Variants in SANBR observed in about 807,000 individuals in gnomAD.
SANBR encodes the protein SANT and BTB domain regulator of class switch recombination.
SANBR carries 77 observed loss-of-function variants against 101.8 expected under a neutral mutation model. The observed-to-expected ratio is 0.76, with a 90% CI of 0.63 to 0.91. SANBR has a LOEUF of 0.91. Ranked by LOEUF, SANBR falls within the 40% of genes least tolerant of loss-of-function variation. The pLI, the probability that SANBR is intolerant of heterozygous loss-of-function variation, is 0.00. For synonymous variants in SANBR, 279 were observed against 274.7 expected (o/e 1.02, Z -0.15); for missense variants, 875 against 853.0 (o/e 1.03, Z -0.32).
At chr2:61,083,527 G>T (rs1187958220) in intron 8 of SANBR, among the ~76,000 whole-genome samples, 4 of 149,300 alleles carry the variant, frequency 2.7e-5, no homozygotes, top group Non-Finnish European at 5.9e-5. Context: ...CTCCCAAGTA[G>T]CTGGGACTAC....
At position 61,103,892 on chromosome 2, in the gene SANBR, C is replaced by T. The variant is rs369264205; in HGVS notation, c.1405C>T (p.Gln469Ter). ...VRDHMVTLRDQGEGGDLPSCP... is the reference protein window; with the variant it reads ...VRDHMVTLRD ...GGACCACATGGTTACACTTCGTGATCAAGGTGAAGGCGGAGATTTGCCGTC... is the reference window on the plus strand; with the variant it reads ...GGACCACATGGTTACACTTCGTGATTAAGGTGAAGGCGGAGATTTGCCGTC... Residue 469 changes from glutamine to a stop codon, truncating the protein, a stop_gained, in exon 13 of 22, where the codon CAA becomes TAA. Coordinates refer to ENST00000402291, the MANE Select transcript of SANBR (RefSeq NM_001129993.3). LOFTEE classifies it high-confidence loss of function. The T allele has an allele frequency of 6.2e-7, 1 of 1,614,026 alleles. No individual in the cohort carries two copies. Among genetic ancestry groups the T allele is most frequent in the Non-Finnish European group, 8.5e-7 (1 of 1,180,010 alleles).
downstream of SANBR, among the ~76,000 whole-genome samples, chr2:61,128,271 CAAAA>C (rs1200152788): frequency 9.5e-6 from 1 of 104,958 alleles, no homozygotes. Flanking sequence ...GACTCTGTCT[CAAAA>C]AAAAAAAAAA....
intron 8 of SANBR, among the ~76,000 whole-genome samples, chr2:61,086,252 C>A (rs1305092755): frequency 6.6e-6 from 1 of 151,992 alleles, no homozygotes; most frequent in African/African-American, 2.4e-5. Context: ...CGGCCTCAAA[C>A]TCCTGGGCTC....
Position 61,103,948 on chromosome 2 carries a change from G to A in SANBR, c.1461G>A (p.Leu487=), listed in dbSNP as rs1434536955. Residue 487 remains leucine, a synonymous_variant, in exon 13 of 22, where the codon TTG becomes TTA. Transcript: ENST00000402291. ...SCPTARMLDD[L]HKYRDVIVVP... is the part of the protein sequence containing the mutation. The stretch of plus-strand genomic sequence containing the variant: ...CCACTGCTAGAATGTTGGACGATTT[G>A]CACAAGTACAGAGATGTCATTGTTG... 16 of 1,614,148 alleles carry A rather than the reference G, an allele frequency of 9.9e-6. No individual in the cohort carries two copies. Among genetic ancestry groups the A allele is most frequent in the Non-Finnish European group, 1.4e-5 (16 of 1,180,010 alleles).
chr2:61,131,590 T>G (rs1559158417), intron 20 of SANBR, among the ~76,000 whole-genome samples: 4 of 152,246 alleles, frequency 2.6e-5, no homozygotes, highest in Non-Finnish European at 1.5e-5. Flanking sequence ...CTTAATGTTA[T>G]TAAGATGGGA....
intron 3 of SANBR, among the ~76,000 whole-genome samples, chr2:61,071,253 T>TA (rs1681448797): frequency 1.3e-5 from 2 of 152,122 alleles, no homozygotes; most frequent in Admixed American, 6.6e-5. Flanking sequence ...ATTTTTTATT[T>TA]AAAAAATTCC....
chr2:61,084,867 A>G (rs1682339054), intron 8 of SANBR, among the ~76,000 whole-genome samples: 1 of 152,132 alleles, frequency 6.6e-6, no homozygotes, highest in South Asian at 2.1e-4. Flanking sequence ...AAAGAAGTAG[A>G]TGGACTCAGT....
intron 16 of SANBR, among the ~76,000 whole-genome samples, chr2:61,109,556 C>T (rs1683722118): frequency 6.6e-6 from 1 of 151,504 alleles, no homozygotes; most frequent in Non-Finnish European, 1.5e-5. Context: ...TGACTCATTT[C>T]AGATGAAATG....
At chr2:61,081,062 T>G (rs1471908034) in intron 6 of SANBR, among the ~76,000 whole-genome samples, 2 of 152,222 alleles carry the variant, frequency 1.3e-5, no homozygotes, top group African/African-American at 4.8e-5. Context: ...TAACAAGCAT[T>G]GAACTCTTTA....
intron 20 of SANBR, among the ~76,000 whole-genome samples, chr2:61,133,326 G>A (rs758578996): frequency 1.3e-5 from 2 of 152,202 alleles, no homozygotes; most frequent in African/African-American, 2.4e-5. Context: ...CATAATGGAT[G>A]TGTGGTTTTT....
At chr2:61,117,628 C>A in intron 19 of SANBR, 88 bp downstream of exon 19, 1 of 1,187,552 alleles carries the variant, frequency 8.4e-7, no homozygotes, top group Non-Finnish European at 1.2e-6. Flanking sequence ...TGCTGAATAG[C>A]TCTAGAGTTT....
At chr2:61,106,254 G>A (rs185792659) in intron 13 of SANBR, among the ~76,000 whole-genome samples, 37 of 152,032 alleles carry the variant, frequency 2.4e-4, no homozygotes, top group African/African-American at 8.4e-4. Context: ...AGCCAGGCAT[G>A]ATGGTGGGTG....
At chr2:61,118,346 A>G (rs1624236) in intron 20 of SANBR, among the ~76,000 whole-genome samples, 2 of 151,166 alleles carry the variant, frequency 1.3e-5, no homozygotes, top group Non-Finnish European at 3.0e-5. Context: ...GGTTCAAGCA[A>G]TTCTCCTCCC....
intron 8 of SANBR, among the ~76,000 whole-genome samples, chr2:61,086,376 T>G (rs1011172141): frequency 2.6e-5 from 4 of 151,824 alleles, no homozygotes; most frequent in African/African-American, 7.2e-5. Context: ...ATAAATAAAT[T>G]TATTTAATAA....
chr2:61,106,390 CAAAAAAAAAAAAA>C (rs11364653), intron 13 of SANBR, among the ~76,000 whole-genome samples, 160 bp from the exon 14 acceptor site: 15 of 63,260 alleles, frequency 2.4e-4, no homozygotes, highest in Admixed American at 2.2e-3. Flanking sequence ...GACTCCATCT[CAAAAAAAAAAAAA>C]AAAAAAAAAA....
intron 13 of SANBR, among the ~76,000 whole-genome samples, 159 bp downstream of exon 13, chr2:61,104,157 CAG>C (rs1683425736): frequency 6.6e-6 from 1 of 152,084 alleles, no homozygotes; most frequent in Admixed American, 6.6e-5. Flanking sequence ...TAAGAGCAGA[CAG>C]ATATTTATAT....
In SANBR at chr2:61,117,205, G is replaced by T. The variant is rs533225620; in HGVS notation, c.1837-152G>T. 7.5e-5 allele frequency: 52 copies of T among 691,052 alleles called. No homozygotes were observed. In the African/African-American group the frequency reaches 8.0e-4, roughly 11 times the overall value. The allele number at this position is 691,052 out of a possible 1,614,324, so 42.8% of individuals were successfully genotyped here. A position where few individuals can be genotyped will look rare whatever the true frequency, so the allele number is the denominator to read the frequency against. ...GATATTAATAGTGCCTGTCTCATTT[G>T]GTTGGTGCAAGGTTTAAATGAAATA... On this transcript the variant is annotated intron_variant, in intron 17 of 21. Transcript: ENST00000402291.
intron 12 of SANBR, among the ~76,000 whole-genome samples, chr2:61,102,144 C>T (rs1162380688): frequency 2.6e-5 from 4 of 151,812 alleles, no homozygotes; most frequent in Non-Finnish European, 4.4e-5. Flanking sequence ...GAGGCCGAGG[C>T]GGTCAGATCA....
chr2:61,083,103 C>G, intron 7 of SANBR, 51 bp from the exon 8 acceptor site: 1 of 1,322,724 alleles, frequency 7.6e-7, no homozygotes, highest in Non-Finnish European at 1.1e-6. Flanking sequence ...ATTGCTATGA[C>G]ATTGTCCTTC....
Sources: allele counts gnomAD v4.1 joint callset (sites outside exome capture counted in the v4.1 genomes callset), GRCh38; gene constraint gnomAD v4.1.1; transcripts MANE v1.5; gene names NCBI Gene and HGNC (gene_info 2026-07-23, HGNC 2026-07-21).